Variants in PYROXD2 observed in about 807,000 individuals in gnomAD.
PYROXD2 encodes pyridine nucleotide-disulphide oxidoreductase domain 2.
A neutral mutation model predicts 71.1 loss-of-function variants in PYROXD2; 69 were observed. That is an observed-to-expected ratio of 0.97 (90% CI 0.80 to 1.19). The LOEUF is 1.19. PYROXD2 is among the 50% of genes most tolerant of loss of function. The probability of loss-of-function intolerance (pLI) is 0.00; values close to 1 mark genes in which losing one functional copy is unlikely to be tolerated. For missense variants in PYROXD2, 745 were observed against 748.9 expected (o/e 0.99, Z 0.06); for synonymous variants, 287 against 302.7 (o/e 0.95, Z 0.54).
chr10:98,410,655 A>C, intron 2 of PYROXD2: 1 of 488,568 alleles, frequency 2.0e-6, no homozygotes, highest in Non-Finnish European at 3.6e-6. Flanking sequence ...CCACCTTGTC[A>C]GCTTGTTTCT....
chr10:98,388,293 G>T, intron 13 of PYROXD2, 61 bp downstream of exon 13: 1 of 1,559,148 alleles, frequency 6.4e-7, no homozygotes, highest in Non-Finnish European at 8.8e-7. Flanking sequence ...AGGAGGAGCA[G>T]GCCCAGTTGG....
chr10:98,405,698 G>A (rs1176044826), intron 4 of PYROXD2, among the ~76,000 whole-genome samples: 1 of 152,204 alleles, frequency 6.6e-6, no homozygotes, highest in Non-Finnish European at 1.5e-5. Flanking sequence ...CTGCGCTGGA[G>A]CTGCCAGGGG....
At chr10:98,394,513 G>A (rs116199492) in intron 8 of PYROXD2, among the ~76,000 whole-genome samples, 60 of 150,454 alleles carry the variant, frequency 4.0e-4, no homozygotes, top group African/African-American at 9.9e-4. Context: ...CACTGGAAAC[G>A]GCCCAACCCT....
At chr10:98,409,799 C>T (rs1241809650) in intron 2 of PYROXD2, among the ~76,000 whole-genome samples, 2 of 152,114 alleles carry the variant, frequency 1.3e-5, no homozygotes, top group African/African-American at 2.4e-5. Context: ...AAAATCAGGC[C>T]GGGCGTGGTG....
intron 13 of PYROXD2, 162 bp downstream of exon 13, chr10:98,388,192 C>T: frequency 1.5e-6 from 1 of 678,892 alleles, no homozygotes; most frequent in Non-Finnish European, 2.5e-6. Flanking sequence ...GTTCCTGACC[C>T]CTGCAGTCAA....
intron 5 of PYROXD2, among the ~76,000 whole-genome samples, chr10:98,398,665 CGT>C (rs1293916166): frequency 6.6e-6 from 1 of 152,164 alleles, no homozygotes; most frequent in Non-Finnish European, 1.5e-5. Flanking sequence ...TTGCCTCCAG[CGT>C]GTGTGGTCGC....
In PYROXD2 at chr10:98,397,432, C is replaced by A. The variant is rs754450686; in HGVS notation, c.538G>T (p.Ala180Ser). Residue 180 changes from alanine to serine, a missense_variant, in exon 6 of 16, where the codon GCC (alanine) becomes TCC (serine). Physicochemically the swap from Ala to Ser is moderately conservative, Grantham distance 99. Coordinates refer to ENST00000370575, the MANE Select transcript of PYROXD2 (RefSeq NM_032709.3). ...ALAIDPLLDA[A>S]PVDMAAFQHG... ...TGGAAGGCCGCCATGTCCACGGGGG[C>A]CGCATCCAGCAGAGGGTCAATGGCT... is the stretch of plus-strand genomic sequence containing the variant. 29 of 1,613,264 alleles carry A rather than the reference C, an allele frequency of 1.8e-5. No homozygotes were observed. The highest frequency in any genetic ancestry group is 2.7e-5 in the African/African-American group (2 of 74,932).
rs755443223 is a variant in PYROXD2, at chr10:98,388,478, C to T, written c.1323G>A (p.Ser441=). ...RPVIELCIPS[S]LDPTLAPPGC... ...CAGGGGGAGCCAGGGTGGGGTCCAG[C>T]GAGGAAGGGATGCAGAGCTCAATCA... The change falls in exon 13 of 16, where the codon TCG becomes TCA. Residue 441 remains serine (S), a synonymous_variant. Coordinates refer to ENST00000370575, the MANE Select transcript of PYROXD2 (RefSeq NM_032709.3). The T allele has an allele frequency of 4.2e-5, 68 of 1,610,418 alleles. 1 individual carries two copies. The highest frequency in any genetic ancestry group is 1.8e-4 in the Admixed American group (11 of 59,564).
chr10:98,407,944 A>G lies in PYROXD2; in HGVS notation c.201T>C (p.His67=), dbSNP rs1843664529. ...CAGTGACAGCTGCACCCCCGATCAC[A>G]TGGCGCCTCTCGAAGACGGCGGTGT... ...GVNTAVFERR[H]VIGGAAVTEE... Residue 67 remains histidine (H), a synonymous_variant, in exon 3 of 16, where the codon CAT becomes CAC. Transcript: ENST00000370575. The G allele has an allele frequency of 6.2e-7, 1 of 1,611,298 alleles. No individual in the cohort carries two copies. The highest frequency in any genetic ancestry group is 1.7e-5 in the Admixed American group (1 of 59,838).
At chr10:98,407,811 C>T (rs1843657563) in intron 3 of PYROXD2, 93 bp downstream of exon 3, 1 of 1,293,694 alleles carries the variant, frequency 7.7e-7, no homozygotes, top group African/African-American at 1.5e-5. Flanking sequence ...CCGGGGTCAG[C>T]AGGGATGGAG....
At chr10:98,401,206 T>C (rs1476230301) in intron 4 of PYROXD2, among the ~76,000 whole-genome samples, 1 of 142,764 alleles carries the variant, frequency 7.0e-6, no homozygotes, top group African/African-American at 2.8e-5. Context: ...TGAGGCAAGA[T>C]TGCCGCCACT....
At chr10:98,411,200 T>G (rs1282336058) in intron 1 of PYROXD2, 6 of 591,994 alleles carry the variant, frequency 1.0e-5, no homozygotes, top group East Asian at 9.1e-5. Flanking sequence ...CCTGCTCCCC[T>G]GGCTTGGTCA....
rs754916124 is a variant in PYROXD2 at position 98,393,039 on chromosome 10, T to G, written c.830A>C (p.Gln277Pro). Residue 277 changes from glutamine to proline, a missense_variant, in exon 9 of 16, where the codon CAG becomes CCG. By Grantham distance (76) the Gln-to-Pro change is moderately conservative. Transcript: ENST00000370575. Reference protein sequence around the residue: ...HHVMGGLEGMQGAWGYVQGGM... With the variant: ...HHVMGGLEGMPGAWGYVQGGM... ...CCCCTGGACGTAGCCCCAGGCCCCCTGCATTCCCTCCAGGCCCCCCATCAC... is the reference window on the plus strand; with the variant it reads ...CCCCTGGACGTAGCCCCAGGCCCCCGGCATTCCCTCCAGGCCCCCCATCAC... The G allele has an allele frequency of 3.1e-6, 5 of 1,601,118 alleles. No individual in the cohort carries two copies. The highest frequency in any genetic ancestry group is 3.4e-6 in the Non-Finnish European group (4 of 1,173,002).
At chr10:98,393,360 G>A (rs944304416) in intron 8 of PYROXD2, among the ~76,000 whole-genome samples, 5 of 152,164 alleles carry the variant, frequency 3.3e-5, no homozygotes, top group Admixed American at 6.5e-5. Context: ...CTCCAGCTCC[G>A]GTGTCCAGCT....
At chr10:98,408,524 A>G (rs1483393092) in intron 2 of PYROXD2, among the ~76,000 whole-genome samples, 1 of 152,090 alleles carries the variant, frequency 6.6e-6, no homozygotes, top group Admixed American at 6.6e-5. Context: ...GGCTTTACCC[A>G]CTTCATAAGG....
At chr10:98,398,486 G>A (rs1843276441) in intron 5 of PYROXD2, among the ~76,000 whole-genome samples, 1 of 152,140 alleles carries the variant, frequency 6.6e-6, no homozygotes, top group African/African-American at 2.4e-5. Context: ...TATACCCATG[G>A]CATTTTAATA....
chr10:98,385,156 C>T, intron 14 of PYROXD2, 89 bp from the exon 15 acceptor site: 1 of 1,511,776 alleles, frequency 6.6e-7, no homozygotes, highest in South Asian at 1.2e-5. Context: ...TGTTCTTCAG[C>T]AAATGTTCTT....
intron 12 of PYROXD2, among the ~76,000 whole-genome samples, chr10:98,390,269 C>T (rs764815693): frequency 1.6e-4 from 24 of 152,208 alleles, no homozygotes; most frequent in Non-Finnish European, 2.6e-4. Flanking sequence ...TGCGTGCTCT[C>T]TGACGGGCTC....
In PYROXD2 at chr10:98,393,068, G is replaced by A. The variant is rs932878337; in HGVS notation, c.801C>T (p.His267=). ...HTPGSGYVLL[H]HVMGGLEGMQ... ...TTCCCTCCAGGCCCCCCATCACATGGTGCAGCAGCACATACCTGTGGACAG... is the reference window on the plus strand; with the variant it reads ...TTCCCTCCAGGCCCCCCATCACATGATGCAGCAGCACATACCTGTGGACAG... The change falls in exon 9 of 16, where the codon CAC becomes CAT. Residue 267 remains histidine (H), a synonymous_variant. Coordinates refer to ENST00000370575, the MANE Select transcript of PYROXD2 (RefSeq NM_032709.3). 1.5e-5 allele frequency: 24 copies of A among 1,585,182 alleles called. No homozygotes were observed. Among genetic ancestry groups the A allele is most frequent in the East Asian group, 1.1e-4 (5 of 44,380 alleles).
Sources: allele counts gnomAD v4.1 joint callset (sites outside exome capture counted in the v4.1 genomes callset), GRCh38; gene constraint gnomAD v4.1.1; transcripts MANE v1.5; gene names NCBI Gene and HGNC (gene_info 2026-07-23, HGNC 2026-07-21).